Variants in SASH1 observed in about 807,000 individuals in gnomAD.
The protein encoded by SASH1 is SAM and SH3 domain containing 1.
A neutral mutation model predicts 125.2 loss-of-function variants in SASH1; 44 were observed. The ratio of observed to expected loss-of-function variants is 0.35; its 90% confidence interval spans 0.28 to 0.45. The LOEUF is 0.45. Ranked by LOEUF, SASH1 falls within the 20% of genes least tolerant of loss-of-function variation. SASH1 has a pLI of 1.00. For missense variants in SASH1, 1,426 were observed against 1,614.5 expected (o/e 0.88, Z 2.00); for synonymous variants, 639 against 649.1 (o/e 0.98, Z 0.24).
chr6:148,530,657 C>T (rs1236721831), intron 12 of SASH1, among the ~76,000 whole-genome samples: 1 of 152,168 alleles, frequency 6.6e-6, no homozygotes, highest in Non-Finnish European at 1.5e-5. Flanking sequence ...CGTGTGGCTG[C>T]GGCCATATGT....
chr6:148,307,637 A>G (rs1187998335), intron 1 of SASH1, among the ~76,000 whole-genome samples: 1 of 152,062 alleles, frequency 6.6e-6, no homozygotes, highest in African/African-American at 2.4e-5. Context: ...TGTATGACTG[A>G]TCCTAAGAAT....
At chr6:148,350,940 TTAG>T (rs1202954804) in intron 1 of SASH1, among the ~76,000 whole-genome samples, 1 of 152,250 alleles carries the variant, frequency 6.6e-6, no homozygotes, top group Non-Finnish European at 1.5e-5. Flanking sequence ...CTCTTCCTCA[TTAG>T]CTTTGCTCCT....
intron 11 of SASH1, among the ~76,000 whole-genome samples, chr6:148,525,765 A>G (rs12206854): frequency 0.11 from 17,472 of 152,170 alleles, 1,193 homozygotes; most frequent in East Asian, 0.24. Context: ...CCCCAAGAGT[A>G]TGTGCTGGCA....
chr6:148,292,262 T>C (rs541750235), intron 1 of SASH1, among the ~76,000 whole-genome samples: 1 of 152,238 alleles, frequency 6.6e-6, no homozygotes, highest in East Asian at 1.9e-4. Flanking sequence ...GGTTATCCAA[T>C]TCATTTTTTT....
At chr6:148,352,054 G>A (rs978311060) in intron 1 of SASH1, among the ~76,000 whole-genome samples, 14 of 152,096 alleles carry the variant, frequency 9.2e-5, no homozygotes, top group Non-Finnish European at 1.8e-4. Flanking sequence ...TAATCTGTGA[G>A]TTAAAACATT....
intron 4 of SASH1, among the ~76,000 whole-genome samples, chr6:148,453,590 A>G (rs1777203165): frequency 6.6e-6 from 1 of 152,160 alleles, no homozygotes; most frequent in Non-Finnish European, 1.5e-5. Context: ...TCATCCACCC[A>G]ACTACAGGTA....
chr6:148,469,436 A>T (rs969676125), intron 5 of SASH1, among the ~76,000 whole-genome samples: 1 of 152,212 alleles, frequency 6.6e-6, no homozygotes, highest in Non-Finnish European at 1.5e-5. Flanking sequence ...GCTTATAGTC[A>T]AAGAAATATA....
At chr6:148,287,278 G>A (rs567713670) in intron 1 of SASH1, among the ~76,000 whole-genome samples, 27 of 152,254 alleles carry the variant, frequency 1.8e-4, no homozygotes, top group African/African-American at 4.6e-4. Context: ...AGTATTCAGC[G>A]TCCTCTGGGC....
At chr6:148,516,496 TCCCCC>T (rs1243666757) in intron 9 of SASH1, among the ~76,000 whole-genome samples, 1 of 9,158 alleles carries the variant, frequency 1.1e-4, no homozygotes, top group Admixed American at 1.3e-3. Context: ...AGGCGCCCCC[TCCCCC>T]CTCCCCCCTC....
At chr6:148,367,986 C>A (rs1011683679) in intron 1 of SASH1, among the ~76,000 whole-genome samples, 1 of 152,192 alleles carries the variant, frequency 6.6e-6, no homozygotes, top group African/African-American at 2.4e-5. Context: ...TTTGGCCTGG[C>A]CAAGCACCCA....
At chr6:148,392,325 A>G (rs1377920513) in intron 2 of SASH1, among the ~76,000 whole-genome samples, 1 of 151,270 alleles carries the variant, frequency 6.6e-6, no homozygotes, top group African/African-American at 2.4e-5. Flanking sequence ...CTGCTGATTC[A>G]GTTGAATCCT....
the SASH1 span, among the ~76,000 whole-genome samples, chr6:148,196,259 C>A: frequency 5.9e-3 from 906 of 152,314 alleles, 9 homozygotes; most frequent in African/African-American, 0.02. Context: ...ATAATAGTAA[C>A]CCCTGGGAGC....
intron 2 of SASH1, among the ~76,000 whole-genome samples, chr6:148,398,026 G>A (rs1325684011): frequency 6.6e-6 from 1 of 152,154 alleles, no homozygotes; most frequent in East Asian, 1.9e-4. Context: ...AGGGAAGACT[G>A]ACCTGGTTGA....
chr6:148,222,238 G>A, the SASH1 span, among the ~76,000 whole-genome samples: 1 of 152,120 alleles, frequency 6.6e-6, no homozygotes, highest in East Asian at 1.9e-4. Context: ...CAACAATTAG[G>A]ATGTTTCCCA....
At chr6:148,435,642 A>C (rs1413544041) in intron 2 of SASH1, among the ~76,000 whole-genome samples, 1 of 152,146 alleles carries the variant, frequency 6.6e-6, no homozygotes, top group East Asian at 1.9e-4. Context: ...TCTGATAGCT[A>C]ATTCTTAACT....
At chr6:148,341,187 G>A (rs1473317401), upstream of SASH1, among the ~76,000 whole-genome samples, 1 of 151,948 alleles carries the variant, frequency 6.6e-6, no homozygotes, top group Non-Finnish European at 1.5e-5. Flanking sequence ...GTCTTCCTCT[G>A]TCACCCAGGC....
chr6:148,345,153 C>T (rs779359079), intron 1 of SASH1, among the ~76,000 whole-genome samples: 14 of 152,124 alleles, frequency 9.2e-5, no homozygotes, highest in Non-Finnish European at 2.1e-4. Flanking sequence ...GTATCCCTTA[C>T]TCTAGGGCGT....
At chr6:148,439,592 C>G (rs928991722) in intron 2 of SASH1, among the ~76,000 whole-genome samples, 1 of 152,122 alleles carries the variant, frequency 6.6e-6, no homozygotes, top group Non-Finnish European at 1.5e-5. Context: ...CCCTGGCCAA[C>G]ATAGTGAAAT....
chr6:148,543,369 T>G (rs753984030), intron 17 of SASH1, among the ~76,000 whole-genome samples: 6 of 152,238 alleles, frequency 3.9e-5, no homozygotes, highest in Non-Finnish European at 8.8e-5. Context: ...CCACGTCGAT[T>G]GCAGTGGGGC....
Sources: gnomAD v4.1 joint callset for allele counts (sites outside exome capture counted in the v4.1 genomes callset) on GRCh38, gnomAD v4.1.1 for gene constraint, MANE v1.5 for transcripts, NCBI Gene and HGNC (gene_info 2026-07-23, HGNC 2026-07-21) for gene names.